Variants in SUN1 observed in about 807,000 individuals in gnomAD.
SUN1 encodes Sad1 and UNC84 domain containing 1.
A neutral mutation model predicts 103.2 loss-of-function variants in SUN1; 61 were observed. The observed-to-expected ratio is 0.59, with a 90% CI of 0.48 to 0.73. SUN1 has a LOEUF of 0.73. Among genes scored for constraint, SUN1 ranks in the 30% least tolerant of loss-of-function variants. The pLI is 0.00. For synonymous variants in SUN1, 490 were observed against 425.7 expected (o/e 1.15, Z -1.86); for missense variants, 1,052 against 1,034.6 (o/e 1.02, Z -0.23).
At chr7:827,745 C>A (rs899656296), upstream of SUN1, among the ~76,000 whole-genome samples, 2 of 151,276 alleles carry the variant, frequency 1.3e-5, no homozygotes, top group Admixed American at 1.3e-4. Flanking sequence ...GGATTACAGG[C>A]GTGAGCCACC....
chr7:842,598 T>A (rs1811216647), intron 3 of SUN1: 1 of 191,428 alleles, frequency 5.2e-6, no homozygotes, highest in South Asian at 1.2e-4. Flanking sequence ...GCACTGGCGC[T>A]CAGACTTGGC....
intron 15 of SUN1, among the ~76,000 whole-genome samples, chr7:864,756 G>A (rs1434499985): frequency 1.3e-5 from 1 of 77,208 alleles, no homozygotes; most frequent in African/African-American, 4.6e-5. Context: ...AGCCTCTCGA[G>A]TAGCTGGGAC....
chr7:864,065 T>C (rs551033009), intron 15 of SUN1, among the ~76,000 whole-genome samples: 31 of 152,364 alleles, frequency 2.0e-4, no homozygotes, highest in African/African-American at 5.8e-4. Context: ...TTCAAACTTA[T>C]GTATTTTAAT....
chr7:836,307 C>T (rs895092305), intron 1 of SUN1, among the ~76,000 whole-genome samples: 1 of 152,152 alleles, frequency 6.6e-6, no homozygotes, highest in Non-Finnish European at 1.5e-5. Flanking sequence ...TTTTCCATCG[C>T]AGCAGGCAGG....
At chr7:855,719 T>G (rs1319773193) in intron 11 of SUN1, among the ~76,000 whole-genome samples, 1 of 152,132 alleles carries the variant, frequency 6.6e-6, no homozygotes, top group Non-Finnish European at 1.5e-5. Flanking sequence ...GAGGCGAGAA[T>G]GTACCCGCCT....
chr7:832,069 C>T (rs1487163055), upstream of SUN1: 8 of 992,014 alleles, frequency 8.1e-6, no homozygotes, highest in Non-Finnish European at 9.6e-6. Context: ...CATCTAGGAA[C>T]GCATACGCTG....
upstream of SUN1, among the ~76,000 whole-genome samples, chr7:830,640 C>T (rs562718990): frequency 5.3e-5 from 8 of 152,316 alleles, no homozygotes; most frequent in South Asian, 1.7e-3. Context: ...CCTACCATCC[C>T]CATCTTCCTT....
chr7:858,499 C>T lies in SUN1; in HGVS notation c.1524+542C>T, dbSNP rs79123201. 8.8e-3 allele frequency among the ~76,000 whole-genome samples: 1,336 copies of T among 152,334 alleles called. 15 individuals carry two copies. The highest frequency in any genetic ancestry group is 0.015 in the Non-Finnish European group (1,033 of 68,034). Reference sequence around the variant, plus strand: ...CCACTGTGCGTCAGCACCCACCATGCGTCTTCCCAGTCTCCTTGGTATGCG... The same window carrying T: ...CCACTGTGCGTCAGCACCCACCATGTGTCTTCCCAGTCTCCTTGGTATGCG... On this transcript the variant is annotated intron_variant, in intron 13 of 18. Coordinates refer to ENST00000401592, the MANE Select transcript of SUN1 (RefSeq NM_001130965.3).
rs529540440 is a variant in SUN1 at position 853,083 on chromosome 7, C to G, written c.1053+131C>G. ...GAAGTATTTTTAAATGTCAGATAAG[C>G]AAGTCTTTGGAGCTCCTTAAGTGTT... is the stretch of plus-strand genomic sequence containing the variant. On this transcript the variant is annotated intron_variant, in intron 9 of 18. Coordinates refer to ENST00000401592, the MANE Select transcript of SUN1 (RefSeq NM_001130965.3). The G allele has an allele frequency of 4.6e-4, 579 of 1,267,510 alleles. 1 individual carries two copies. The African/African-American group carries it at 7.7e-3, about 17-fold the overall frequency. The allele number at this position is 1,267,510 out of a possible 1,614,324, so 78.5% of individuals were successfully genotyped here.
At chr7:856,966 C>T (rs76342591) in intron 12 of SUN1, among the ~76,000 whole-genome samples, 3,076 of 152,246 alleles carry the variant, frequency 0.02, 109 homozygotes, top group African/African-American at 0.07. Context: ...ATGGCACAGC[C>T]GGGTCCCTCT....
chr7:834,337 C>G (rs1000949081), intron 1 of SUN1, among the ~76,000 whole-genome samples: 1 of 152,164 alleles, frequency 6.6e-6, no homozygotes, highest in Non-Finnish European at 1.5e-5. Context: ...AGGGGCTGTC[C>G]AGGAGATGGC....
chr7:830,060 C>T (rs1796517661), upstream of SUN1, among the ~76,000 whole-genome samples: 1 of 152,154 alleles, frequency 6.6e-6, no homozygotes, highest in Admixed American at 6.5e-5. Context: ...TAAAATCTTC[C>T]ATTTCCAAAT....
At chr7:849,912 C>G in intron 5 of SUN1, 1 of 1,589,622 alleles carries the variant, frequency 6.3e-7, no homozygotes, top group Non-Finnish European at 8.5e-7. Context: ...TGCCTGTCAC[C>G]ACACCTGCAG....
chr7:817,803 ATTTCC>A (rs1050283344), intron 1 of SUN1, among the ~76,000 whole-genome samples: 2 of 152,038 alleles, frequency 1.3e-5, no homozygotes, highest in Non-Finnish European at 2.9e-5. Context: ...TTCTCTAATA[ATTTCC>A]TTTTCTTTGT....
chr7:849,097 G>A (rs1030415905), intron 5 of SUN1, among the ~76,000 whole-genome samples: 18 of 152,016 alleles, frequency 1.2e-4, no homozygotes, highest in African/African-American at 2.9e-4. Flanking sequence ...GACTACAGGC[G>A]CACGCCACCA....
At chr7:851,330 GC>G (rs1821902359) in intron 5 of SUN1, 53 bp from the exon 6 acceptor site, 1 of 1,492,420 alleles carries the variant, frequency 6.7e-7, no homozygotes, top group Admixed American at 2.0e-5. Context: ...TGCTGTCACT[GC>G]AGAGGCTGGT....
At chr7:826,183 C>T (rs940408046) in intron 1 of SUN1, among the ~76,000 whole-genome samples, 2 of 151,328 alleles carry the variant, frequency 1.3e-5, no homozygotes, top group South Asian at 4.2e-4. Context: ...GCTGTGATCA[C>T]GCCCCTGGCA....
upstream of SUN1, chr7:830,997 C>T (rs183938808): frequency 4.4e-5 from 43 of 985,460 alleles, no homozygotes; most frequent in African/African-American, 6.8e-4. Flanking sequence ...ACATTGGATC[C>T]AGGCCAAGGC....
intron 1 of SUN1, among the ~76,000 whole-genome samples, chr7:823,941 A>G (rs1382896445): frequency 6.6e-6 from 1 of 152,272 alleles, no homozygotes; most frequent in Non-Finnish European, 1.5e-5. Flanking sequence ...GATGGGTTAC[A>G]TGAATTATTA....
Sources: allele counts gnomAD v4.1 joint callset (sites outside exome capture counted in the v4.1 genomes callset), GRCh38; gene constraint gnomAD v4.1.1; transcripts MANE v1.5; gene names NCBI Gene and HGNC (gene_info 2026-07-23, HGNC 2026-07-21).